The following VTI1A variants were observed in gnomAD, a reference collection of about 807,000 sequenced individuals.
VTI1A encodes vesicle transport through interaction with t-SNAREs homolog 1A.
Under a neutral mutation model 34.9 loss-of-function variants are expected in VTI1A, and 22 were observed. That is an observed-to-expected ratio of 0.63 (90% CI 0.45 to 0.90). VTI1A has a LOEUF of 0.90. Among genes scored for constraint, VTI1A ranks in the 40% least tolerant of loss-of-function variants. The probability of loss-of-function intolerance (pLI) is 0.00; values close to 1 mark genes in which losing one functional copy is unlikely to be tolerated. For synonymous variants in VTI1A, 87 were observed against 97.3 expected (o/e 0.89, Z 0.62); for missense variants, 268 against 275.6 (o/e 0.97, Z 0.20).
At chr10:112,839,403 G>A in the VTI1A span, among the ~76,000 whole-genome samples, 5,854 of 152,224 alleles carry the variant, frequency 0.038, 397 homozygotes, top group African/African-American at 0.13. Context: ...TGAGGAACCC[G>A]GTGGGGAGTT....
At chr10:112,455,172 TC>T (rs1589783951) in intron 1 of VTI1A, among the ~76,000 whole-genome samples, 1 of 890 alleles carries the variant, frequency 1.1e-3, no homozygotes, top group Admixed American at 9.6e-3. Context: ...CCTCCCCTCC[TC>T]CCCTCCCCTC....
At chr10:112,575,385 C>G (rs1391065342) in intron 5 of VTI1A, among the ~76,000 whole-genome samples, 1 of 152,212 alleles carries the variant, frequency 6.6e-6, no homozygotes, top group African/African-American at 2.4e-5. Flanking sequence ...CATAAATGTA[C>G]AAGTCAAGGT....
intron 3 of VTI1A, among the ~76,000 whole-genome samples, chr10:112,481,973 T>C (rs1027855054): frequency 6.6e-6 from 1 of 152,208 alleles, no homozygotes; most frequent in East Asian, 1.9e-4. Flanking sequence ...TGTGGCTAGA[T>C]TGGAAAATTT....
chr10:112,687,268 C>G (rs1334817197), intron 7 of VTI1A, among the ~76,000 whole-genome samples: 5 of 97,374 alleles, frequency 5.1e-5, no homozygotes, highest in African/African-American at 2.0e-4. Context: ...GAGTTTTGCT[C>G]TGTCTCCCAG....
intron 5 of VTI1A, among the ~76,000 whole-genome samples, chr10:112,659,639 GAAT>G (rs1239600990): frequency 2.3e-4 from 35 of 152,278 alleles, no homozygotes; most frequent in Non-Finnish European, 1.0e-4. Context: ...AAGCAAAATA[GAAT>G]ACATACTCAG....
intron 5 of VTI1A, among the ~76,000 whole-genome samples, chr10:112,600,769 T>C (rs986771727): frequency 6.6e-6 from 1 of 152,226 alleles, no homozygotes; most frequent in Non-Finnish European, 1.5e-5. Flanking sequence ...GTTCAAAAAA[T>C]CACGAATGAA....
At chr10:112,531,061 C>CCACACA (rs748909123) in intron 4 of VTI1A, among the ~76,000 whole-genome samples, 3,395 of 90,216 alleles carry the variant, frequency 0.038, 74 homozygotes, top group East Asian at 0.095. Context: ...ACGTGACACA[C>CCACACA]CTCACACACA....
Position 112,597,524 on chromosome 10 carries a change from G to A in VTI1A, c.427+59194G>A, listed in dbSNP as rs199672829. ...TGAGCCACCACACCTGGCCTGGGCT[G>A]TGTTTTCTTTGTCCATTCAAAGTAA... is the stretch of plus-strand genomic sequence containing the variant. On this transcript the variant is annotated intron_variant, in intron 5 of 7. Coordinates refer to ENST00000393077, the MANE Select transcript of VTI1A (RefSeq NM_145206.4). Among the ~76,000 whole-genome samples, 3 of 152,050 alleles carry A rather than the reference G, an allele frequency of 2.0e-5. No homozygotes were observed. The East Asian group carries it at 5.9e-4, about 30-fold the overall frequency.
At chr10:112,842,925 C>T in the VTI1A span, among the ~76,000 whole-genome samples, 674 of 152,338 alleles carry the variant, frequency 4.4e-3, 10 homozygotes, top group East Asian at 0.036. Context: ...CTTACACAAT[C>T]ACTGGAAAGG....
chr10:112,716,251 A>G (rs982741041), intron 7 of VTI1A, among the ~76,000 whole-genome samples: 3 of 152,192 alleles, frequency 2.0e-5, no homozygotes, highest in African/African-American at 7.2e-5. Flanking sequence ...TTTGAAATGC[A>G]TGGAGACACT....
chr10:112,701,302 C>G (rs995206964), intron 7 of VTI1A, among the ~76,000 whole-genome samples: 2 of 152,186 alleles, frequency 1.3e-5, no homozygotes, highest in East Asian at 3.9e-4. Context: ...CCAGGAATAG[C>G]AACACTTGGA....
At chr10:112,591,635 C>G (rs1337784460) in intron 5 of VTI1A, among the ~76,000 whole-genome samples, 3 of 152,154 alleles carry the variant, frequency 2.0e-5, no homozygotes, top group East Asian at 3.9e-4. Context: ...TTCCTTATGG[C>G]AAGGTAAAAT....
intron 7 of VTI1A, among the ~76,000 whole-genome samples, chr10:112,776,091 C>T (rs1564920932): frequency 6.6e-6 from 1 of 152,150 alleles, no homozygotes; most frequent in Non-Finnish European, 1.5e-5. Context: ...ATTGTGGCCC[C>T]GAGGGTAATA....
chr10:112,499,908 G>C (rs562989797), intron 3 of VTI1A, among the ~76,000 whole-genome samples: 2 of 152,072 alleles, frequency 1.3e-5, no homozygotes, highest in African/African-American at 4.8e-5. Flanking sequence ...TCACTCTCTT[G>C]TTCTCTTGAC....
intron 5 of VTI1A, among the ~76,000 whole-genome samples, chr10:112,552,415 C>G (rs186793823): frequency 7.2e-4 from 109 of 152,134 alleles, no homozygotes; most frequent in Non-Finnish European, 1.4e-3. Flanking sequence ...TGATTAGGAC[C>G]TGTTCATTTG....
At chr10:112,611,719 C>T (rs1368779044) in intron 5 of VTI1A, among the ~76,000 whole-genome samples, 2 of 144,394 alleles carry the variant, frequency 1.4e-5, no homozygotes, top group African/African-American at 5.2e-5. Context: ...TGGTAAAGCC[C>T]ATTTGGTGAG....
chr10:112,806,955 C>T (rs550086700), intron 7 of VTI1A, among the ~76,000 whole-genome samples: 8 of 152,300 alleles, frequency 5.3e-5, no homozygotes, highest in Admixed American at 4.6e-4. Context: ...GGCACATGCC[C>T]CCTCAGTCCC....
At chr10:112,602,450 T>C (rs1844914306) in intron 5 of VTI1A, among the ~76,000 whole-genome samples, 1 of 152,228 alleles carries the variant, frequency 6.6e-6, no homozygotes, top group African/African-American at 2.4e-5. Context: ...AAAATTAAGA[T>C]AGAGACTTAT....
At chr10:112,847,270 G>A in the VTI1A span, among the ~76,000 whole-genome samples, 10 of 152,086 alleles carry the variant, frequency 6.6e-5, no homozygotes, top group South Asian at 2.1e-4. Context: ...TGGAGCAGCC[G>A]CTAATCTCCC....
Sources: gnomAD v4.1 joint callset for allele counts (sites outside exome capture counted in the v4.1 genomes callset) on GRCh38, gnomAD v4.1.1 for gene constraint, MANE v1.5 for transcripts, NCBI Gene and HGNC (gene_info 2026-07-23, HGNC 2026-07-21) for gene names.